CTNNA3: variants seen among roughly 807,000 people sequenced by gnomAD.
The protein encoded by CTNNA3 is catenin alpha-3.
A neutral mutation model predicts 95.7 loss-of-function variants in CTNNA3; 76 were observed. The ratio of observed to expected loss-of-function variants is 0.79; its 90% CI spans 0.66 to 0.96. The LOEUF (loss-of-function observed/expected upper bound fraction) is 0.96. Ranked by LOEUF, CTNNA3 falls within the 40% of genes least tolerant of loss-of-function variation. The pLI is 0.00. For missense variants in CTNNA3, 1,191 were observed against 1,089.8 expected (o/e 1.09, Z -1.31); for synonymous variants, 431 against 374.4 (o/e 1.15, Z -1.74).
intron 7 of CTNNA3, among the ~76,000 whole-genome samples, chr10:66,910,721 G>C (rs1846188044): frequency 6.6e-6 from 1 of 152,200 alleles, no homozygotes. Context: ...GTGGAGAAAA[G>C]CAAAGTGGCA....
chr10:65,931,755 A>T (rs188869200), intron 17 of CTNNA3, among the ~76,000 whole-genome samples: 1 of 152,212 alleles, frequency 6.6e-6, no homozygotes, highest in Admixed American at 6.5e-5. Context: ...AAACACAAAC[A>T]ATCTTCCAGA....
At chr10:65,944,945 A>C (rs2077493357) in intron 17 of CTNNA3, among the ~76,000 whole-genome samples, 2 of 151,998 alleles carry the variant, frequency 1.3e-5, no homozygotes, top group African/African-American at 4.8e-5. Flanking sequence ...ATATCTACAC[A>C]CTAGGTAAGT....
intron 6 of CTNNA3, among the ~76,000 whole-genome samples, chr10:67,194,575 G>C (rs1863263870): frequency 6.6e-6 from 1 of 150,944 alleles, no homozygotes. Context: ...AGGGATGGAG[G>C]AACAGGCAGA....
At chr10:66,958,572 G>A (rs938873846) in intron 7 of CTNNA3, among the ~76,000 whole-genome samples, 14 of 152,034 alleles carry the variant, frequency 9.2e-5, no homozygotes, top group African/African-American at 3.4e-4. Context: ...AATTCAATAA[G>A]TAAGTAAGCG....
At chr10:66,879,741 G>T (rs1229838488) in intron 7 of CTNNA3, among the ~76,000 whole-genome samples, 1 of 152,112 alleles carries the variant, frequency 6.6e-6, no homozygotes, top group East Asian at 1.9e-4. Context: ...CTCAGGAATA[G>T]ATAGAGACAG....
chr10:66,360,638 TCTTTCTTTCTTTCTTTCTTTCTTC>T (rs1402794117), intron 12 of CTNNA3, among the ~76,000 whole-genome samples: 699 of 53,094 alleles, frequency 0.013, 9 homozygotes, highest in African/African-American at 0.039. Flanking sequence ...TTTCTTTCTT[TCTTTCTTTCTTTCTTTCTTTCTTC>T]CTTCCTTCCT....
chr10:66,441,490 C>T (rs139835160), intron 11 of CTNNA3, among the ~76,000 whole-genome samples: 11 of 152,104 alleles, frequency 7.2e-5, no homozygotes, highest in African/African-American at 1.9e-4. Context: ...CTTGCAAATA[C>T]GAAGTAATTT....
intron 7 of CTNNA3, among the ~76,000 whole-genome samples, chr10:67,178,597 G>A (rs1862353855): frequency 6.6e-6 from 1 of 151,734 alleles, no homozygotes; most frequent in African/African-American, 2.4e-5. Context: ...TATGTATGTG[G>A]GTAAGTGTGC....
intron 10 of CTNNA3, among the ~76,000 whole-genome samples, chr10:66,581,264 T>C (rs1035695311): frequency 8.6e-5 from 13 of 151,818 alleles, no homozygotes; most frequent in Admixed American, 6.6e-4. Context: ...AGATACCCAG[T>C]AGTGAGATTC....
intron 3 of CTNNA3, among the ~76,000 whole-genome samples, chr10:67,603,429 G>A (rs950828187): frequency 1.1e-4 from 16 of 152,114 alleles, no homozygotes; most frequent in African/African-American, 3.4e-4. Context: ...TCCAGAAGAA[G>A]GCATTGTTAT....
intron 7 of CTNNA3, among the ~76,000 whole-genome samples, chr10:67,118,085 A>T (rs150430999): frequency 0.011 from 1,608 of 152,128 alleles, 20 homozygotes; most frequent in Middle Eastern, 0.024. Flanking sequence ...TGCCTTTCAG[A>T]CAACAGTGGG....
At chr10:67,131,188 C>A (rs553191721) in intron 7 of CTNNA3, among the ~76,000 whole-genome samples, 7 of 152,004 alleles carry the variant, frequency 4.6e-5, no homozygotes, top group Non-Finnish European at 8.8e-5. Context: ...CTAGAATGCT[C>A]TAGGAAGCCT....
At chr10:66,419,374 A>T (rs1189558291) in intron 11 of CTNNA3, among the ~76,000 whole-genome samples, 2 of 152,088 alleles carry the variant, frequency 1.3e-5, no homozygotes, top group African/African-American at 4.8e-5. Flanking sequence ...TAAGAATCTG[A>T]TGAAAGAAAT....
At chr10:67,030,960 C>T (rs1022539807) in intron 7 of CTNNA3, among the ~76,000 whole-genome samples, 2 of 152,086 alleles carry the variant, frequency 1.3e-5, no homozygotes, top group Admixed American at 1.3e-4. Context: ...GCCGAGATTG[C>T]ATCGCTGCAC....
intron 12 of CTNNA3, among the ~76,000 whole-genome samples, chr10:66,296,838 T>C (rs965637181): frequency 1.3e-5 from 2 of 152,038 alleles, no homozygotes; most frequent in Non-Finnish European, 2.9e-5. Flanking sequence ...TTAGCAAACA[T>C]AAATAATAAA....
At chr10:66,995,058 C>A (rs1851253690) in intron 7 of CTNNA3, among the ~76,000 whole-genome samples, 1 of 152,164 alleles carries the variant, frequency 6.6e-6, no homozygotes, top group Non-Finnish European at 1.5e-5. Flanking sequence ...AAATCTAGAT[C>A]TCTAGCCCAA....
intron 7 of CTNNA3, among the ~76,000 whole-genome samples, chr10:67,124,684 A>G (rs1304472471): frequency 2.0e-5 from 3 of 152,232 alleles, no homozygotes; most frequent in Non-Finnish European, 4.4e-5. Context: ...ATATTAAGCT[A>G]TAATAAATTC....
At chr10:67,491,987 CT>C (rs1243773601) in intron 5 of CTNNA3, among the ~76,000 whole-genome samples, 2 of 151,914 alleles carry the variant, frequency 1.3e-5, no homozygotes, top group East Asian at 3.9e-4. Flanking sequence ...CATTAAGTAA[CT>C]GGATAAAATC....
chr10:66,077,847 T>C lies in CTNNA3; in HGVS notation c.1978-8358A>G, dbSNP rs185790719. Among the ~76,000 whole-genome samples the C allele has an allele frequency of 2.6e-3, 390 of 151,920 alleles. 6 individuals are homozygous for C. The highest frequency in any genetic ancestry group is 9.1e-3 in the African/African-American group (377 of 41,530). ...CAGAAGGTGAAGATCCAAGCCTTTA[T>C]ACTCTTTCCTCTAAAATTATATGTA... On this transcript the variant is annotated intron_variant, in intron 14 of 17. Transcript: ENST00000433211.
Sources: gnomAD v4.1 joint callset for allele counts (sites outside exome capture counted in the v4.1 genomes callset) on GRCh38, gnomAD v4.1.1 for gene constraint, MANE v1.5 for transcripts, NCBI Gene and HGNC (gene_info 2026-07-23, HGNC 2026-07-21) for gene names.